The following KCNQ5 variants were observed in gnomAD, a reference collection of about 807,000 sequenced individuals.
KCNQ5 encodes the protein potassium voltage-gated channel subfamily KQT member 5.
Under a neutral mutation model 98.2 loss-of-function variants are expected in KCNQ5, and 30 were observed. That is an observed-to-expected ratio of 0.31 (90% CI 0.23 to 0.41). The LOEUF (loss-of-function observed/expected upper bound fraction) is 0.41. Among genes scored for constraint, KCNQ5 ranks in the 10% least tolerant of loss-of-function variants. The pLI is 1.00. For missense variants in KCNQ5, 835 were observed against 1,182.5 expected, an observed-to-expected ratio of 0.71 and a Z score of 4.31; for synonymous variants, 458 against 449.4, an observed-to-expected ratio of 1.02 and a Z score of -0.24.
At chr6:72,868,120 A>T (rs1010749482) in intron 1 of KCNQ5, among the ~76,000 whole-genome samples, 1 of 151,786 alleles carries the variant, frequency 6.6e-6, no homozygotes, top group African/African-American at 2.4e-5. Flanking sequence ...CTCCACCAGG[A>T]CTTCCAGACA....
rs1249947252 is a variant in KCNQ5 at position 72,709,889 on chromosome 6, A to T, written c.398+87302A>T. 2.6e-5 allele frequency among the ~76,000 whole-genome samples: 4 copies of T among 152,238 alleles called. 1 individual carries two copies. In the South Asian group the frequency reaches 8.3e-4, roughly 31 times the overall value. On this transcript the variant is annotated intron_variant, in intron 1 of 13. Coordinates refer to ENST00000370398, the MANE Select transcript of KCNQ5 (RefSeq NM_019842.4). The stretch of plus-strand genomic sequence containing the variant: ...TTTGTGGAATATAGTACCTGAACCC[A>T]TGAATCTTACATTCTGGTGCACAAA...
intron 1 of KCNQ5, among the ~76,000 whole-genome samples, chr6:72,962,619 G>A (rs1051426442): frequency 1.3e-5 from 2 of 152,168 alleles, no homozygotes; most frequent in Non-Finnish European, 2.9e-5. Context: ...GGGACATAGA[G>A]AATCACTGAA....
At position 72,894,586 on chromosome 6, in the gene KCNQ5, TG is replaced by T. The variant is rs539337627; in HGVS notation, c.399-109321del. Among the ~76,000 whole-genome samples the T allele has an allele frequency of 2.0e-5, 3 of 152,354 alleles. No individual in the cohort carries two copies. The South Asian group carries it at 6.2e-4, about 32-fold the overall frequency. On this transcript the variant is annotated intron_variant, in intron 1 of 13. Transcript: ENST00000370398. The stretch of plus-strand genomic sequence containing the variant: ...AGAAAATTAATTTCCCTCTGGCTTT[TG>T]TCTTGGTTGACAATTCTTCTGGGAT...
chr6:72,753,948 A>G (rs760448791), intron 1 of KCNQ5, among the ~76,000 whole-genome samples: 3 of 151,782 alleles, frequency 2.0e-5, no homozygotes, highest in Non-Finnish European at 4.4e-5. Context: ...GATTTTCTAC[A>G]TAGACAATCA....
At chr6:72,778,060 G>A (rs1773252894) in intron 1 of KCNQ5, among the ~76,000 whole-genome samples, 1 of 152,124 alleles carries the variant, frequency 6.6e-6, no homozygotes, top group Non-Finnish European at 1.5e-5. Context: ...ACATGAACGT[G>A]GATGCCATTT....
At chr6:73,134,241 G>A (rs1263021445) in intron 10 of KCNQ5, 1 of 188,116 alleles carries the variant, frequency 5.3e-6, no homozygotes, top group African/African-American at 2.3e-5. Context: ...ATCATATTAT[G>A]TAGCAGACAT....
intron 3 of KCNQ5, among the ~76,000 whole-genome samples, chr6:73,048,522 G>A (rs754336950): frequency 2.0e-5 from 3 of 152,152 alleles, no homozygotes; most frequent in East Asian, 1.9e-4. Flanking sequence ...AAGGTCCTAC[G>A]GGTTGCTGGC....
rs1005488706 is a variant in KCNQ5, at chr6:72,731,009, C to T, written c.398+108422C>T. Among the ~76,000 whole-genome samples, 5 of 152,100 alleles carry T rather than the reference C, an allele frequency of 3.3e-5. No homozygotes were observed. The East Asian group carries it at 9.6e-4, about 29-fold the overall frequency. ...AAAAGCTTTCTTCATATGGTTCTTG[C>T]ATATTTCTCATTAAGTGTTTTTCTA... On this transcript the variant is annotated intron_variant, in intron 1 of 13. Coordinates refer to ENST00000370398, the MANE Select transcript of KCNQ5 (RefSeq NM_019842.4).
At chr6:72,873,356 G>A (rs567765795) in intron 1 of KCNQ5, among the ~76,000 whole-genome samples, 16 of 152,124 alleles carry the variant, frequency 1.1e-4, no homozygotes, top group East Asian at 1.9e-4. Context: ...TACATCTGTC[G>A]CCAATATGGT....
intron 1 of KCNQ5, among the ~76,000 whole-genome samples, chr6:72,871,865 C>T (rs1562037890): frequency 6.6e-6 from 1 of 152,080 alleles, no homozygotes; most frequent in Non-Finnish European, 1.5e-5. Context: ...TCATCTGTAA[C>T]CTCATATTTT....
At chr6:73,190,800 T>C in intron 12 of KCNQ5, 96 bp downstream of exon 12, 2 of 729,158 alleles carry the variant, frequency 2.7e-6, no homozygotes, top group Non-Finnish European at 4.0e-6. Flanking sequence ...GAACTCCATA[T>C]TTTTCATTCA....
At chr6:72,808,293 A>C (rs999772514) in intron 1 of KCNQ5, among the ~76,000 whole-genome samples, 12 of 152,188 alleles carry the variant, frequency 7.9e-5, no homozygotes, top group Non-Finnish European at 1.5e-4. Flanking sequence ...AGGAGTATTC[A>C]CTTTGGGAAT....
At chr6:73,050,033 AC>A (rs1037882319) in intron 3 of KCNQ5, among the ~76,000 whole-genome samples, 5 of 152,080 alleles carry the variant, frequency 3.3e-5, no homozygotes, top group South Asian at 2.1e-4. Flanking sequence ...TACAAAAAAA[AC>A]AAACAAAAAC....
chr6:73,139,628 T>C (rs1385931665), intron 10 of KCNQ5, among the ~76,000 whole-genome samples: 1 of 152,134 alleles, frequency 6.6e-6, no homozygotes, highest in East Asian at 1.9e-4. Flanking sequence ...ATCATTTCCA[T>C]GAAACAACAA....
At chr6:73,111,225 C>T (rs1485908527) in intron 6 of KCNQ5, 83 bp from the exon 7 acceptor site, 1 of 904,768 alleles carries the variant, frequency 1.1e-6, no homozygotes, top group Non-Finnish European at 1.8e-6. Flanking sequence ...TTCTCTCAGA[C>T]TCATTTTAGT....
intron 10 of KCNQ5, among the ~76,000 whole-genome samples, chr6:73,139,250 C>G (rs1468795254): frequency 6.6e-6 from 1 of 152,172 alleles, no homozygotes; most frequent in African/African-American, 2.4e-5. Flanking sequence ...AATCCTCATG[C>G]CTAAAACAAT....
chr6:72,942,074 G>T (rs1474937084), intron 1 of KCNQ5, among the ~76,000 whole-genome samples: 2 of 152,160 alleles, frequency 1.3e-5, no homozygotes, highest in Non-Finnish European at 2.9e-5. Context: ...CCTGTGGCCT[G>T]AGCTGCCATT....
intron 1 of KCNQ5, among the ~76,000 whole-genome samples, chr6:72,769,666 C>A (rs1294950653): frequency 6.6e-6 from 1 of 152,032 alleles, no homozygotes; most frequent in Non-Finnish European, 1.5e-5. Flanking sequence ...TGCAGACTGC[C>A]TGCTACTGAC....
chr6:72,665,923 C>G (rs1467445974), intron 1 of KCNQ5, among the ~76,000 whole-genome samples: 1 of 152,144 alleles, frequency 6.6e-6, no homozygotes, highest in Non-Finnish European at 1.5e-5. Flanking sequence ...TATTTGGCTT[C>G]TGGTCATGAA....
Sources: gnomAD v4.1 joint callset for allele counts (sites outside exome capture counted in the v4.1 genomes callset) on GRCh38, gnomAD v4.1.1 for gene constraint, MANE v1.5 for transcripts, NCBI Gene and HGNC (gene_info 2026-07-23, HGNC 2026-07-21) for gene names.